The following KLHL18 variants were observed in gnomAD, a reference collection of about 807,000 sequenced individuals.
KLHL18 encodes kelch-like protein 18.
In KLHL18, 38 loss-of-function variants were observed where a neutral mutation model predicts 58.5. The ratio of observed to expected loss-of-function variants is 0.65; its 90% CI spans 0.50 to 0.85. The LOEUF (loss-of-function observed/expected upper bound fraction) is 0.85. Ranked by LOEUF, KLHL18 falls within the 40% of genes least tolerant of loss-of-function variation. The probability of loss-of-function intolerance (pLI) is 0.00; values close to 1 mark genes in which losing one functional copy is unlikely to be tolerated. For synonymous variants in KLHL18, 303 were observed against 301.9 expected (o/e 1.00, Z -0.04); for missense variants, 624 against 778.4 (o/e 0.80, Z 2.36).
chr3:47,332,361 AAAAG>A (rs956846805), intron 4 of KLHL18, among the ~76,000 whole-genome samples: 7 of 152,188 alleles, frequency 4.6e-5, no homozygotes, highest in South Asian at 2.1e-4. Context: ...TCTCCAAAAA[AAAAG>A]AAAGAAAGAA....
At chr3:47,294,018 A>G (rs900706594) in intron 1 of KLHL18, among the ~76,000 whole-genome samples, 1 of 152,268 alleles carries the variant, frequency 6.6e-6, no homozygotes, top group African/African-American at 2.4e-5. Flanking sequence ...ATAGCTGCTC[A>G]GTAAACCACT....
intron 3 of KLHL18, 27 bp from the exon 4 acceptor site, chr3:47,329,923 AT>A (rs758333312): frequency 4.5e-4 from 654 of 1,447,512 alleles, no homozygotes; most frequent in Middle Eastern, 1.1e-3. Flanking sequence ...TCTTCCTCTA[AT>A]TTTTTTTTTC....
chr3:47,297,583 A>G lies in KLHL18; in HGVS notation c.129+14489A>G, dbSNP rs1479070202. On this transcript the variant is annotated intron_variant, in intron 1 of 9. Transcript: ENST00000232766. ...TCAGCCAACTGAATTTTCAGATGAG[A>G]TGAGAAGGTCATGCTTTTCCACCTT... 8.8e-5 allele frequency: 40 copies of G among 456,686 alleles called. 1 individual carries two copies. The highest frequency in any genetic ancestry group is 7.7e-4 in the Admixed American group (33 of 42,584). The allele number at this position is 456,686 out of a possible 1,614,324, so 28.3% of individuals were successfully genotyped here.
intron 4 of KLHL18, among the ~76,000 whole-genome samples, chr3:47,332,595 CGGGGGGCG>C (rs1703889739): frequency 2.4e-4 from 1 of 4,198 alleles, no homozygotes; most frequent in Non-Finnish European, 4.2e-4. Context: ...ATTAATATGA[CGGGGGGCG>C]GGGGGGCAGC....
chr3:47,283,480 AT>A (rs1576120435), intron 1 of KLHL18: 1 of 233,576 alleles, frequency 4.3e-6, no homozygotes, highest in East Asian at 1.0e-4. Context: ...CACTACAGAT[AT>A]TTCTTTGTGC....
Position 47,343,815 on chromosome 3 carries a change from C to T in KLHL18, c.1599C>T (p.Asp533=), listed in dbSNP as rs546410048. 1.1e-4 allele frequency: 172 copies of T among 1,614,204 alleles called. 1 individual carries two copies. In the South Asian group the frequency reaches 1.8e-3, roughly 17 times the overall value. ...GCCTCTACGCTGTTGGGGGCTACGA[C>T]GGACAGTCAAACCTAAGCTCAGTGG... ...CGRLYAVGGY[D]GQSNLSSVEM... Residue 533 remains aspartate, a synonymous_variant, in exon 10 of 10, where the codon GAC becomes GAT. Transcript: ENST00000232766.
Position 47,346,476 on chromosome 3 carries a change from G to C in KLHL18, c.*2535G>C, listed in dbSNP as rs1704227716. The C allele has an allele frequency of 6.6e-6, 1 of 152,650 alleles. No individual in the cohort carries two copies. The highest frequency in any genetic ancestry group is 2.4e-5 in the African/African-American group (1 of 41,466). 9.5% of individuals were successfully genotyped at this position (152,650 alleles called of 1,614,324 possible). A position where few individuals can be genotyped will look rare whatever the true frequency, so the allele number is the denominator to read the frequency against. ...CTTTCCAATAGCCCCATGAAAAGAAGCATCACCCAAGGATATTGTAAAAAG... is the reference window on the plus strand; with the variant it reads ...CTTTCCAATAGCCCCATGAAAAGAACCATCACCCAAGGATATTGTAAAAAG... On this transcript the variant is annotated 3_prime_UTR_variant, in exon 10 of 10. Transcript: ENST00000232766.
At chr3:47,321,550 A>G (rs1473961121) in intron 2 of KLHL18, among the ~76,000 whole-genome samples, 3 of 151,878 alleles carry the variant, frequency 2.0e-5, no homozygotes, top group Non-Finnish European at 4.4e-5. Context: ...GGGTTTTGCC[A>G]TGTTGGTTAG....
At position 47,288,900 on chromosome 3, in the gene KLHL18, T is replaced by TG. The variant is rs201509814; in HGVS notation, c.129+5806_129+5807insG. ...CATCCCTTCTTCCCAGCGTTGAGTTTCGTGTCCTTTGCTCTGGGCTGCCAG... is the reference window on the plus strand; with the variant it reads ...CATCCCTTCTTCCCAGCGTTGAGTTTGCGTGTCCTTTGCTCTGGGCTGCCAG... On this transcript the variant is annotated intron_variant, in intron 1 of 9. Transcript: ENST00000232766. 3.3e-5 allele frequency among the ~76,000 whole-genome samples: 5 copies of TG among 152,380 alleles called. No homozygotes were observed. The East Asian group carries it at 9.7e-4, about 29-fold the overall frequency.
At chr3:47,324,294 CTTTCTT>C (rs1160068025) in intron 3 of KLHL18, among the ~76,000 whole-genome samples, 1 of 10,606 alleles carries the variant, frequency 9.4e-5, no homozygotes, top group African/African-American at 2.1e-4. Context: ...CTTTTTCTTT[CTTTCTT>C]TTTTTTTTTT....
At chr3:47,302,820 A>G (rs1576145947) in intron 1 of KLHL18, among the ~76,000 whole-genome samples, 2 of 152,372 alleles carry the variant, frequency 1.3e-5, no homozygotes, top group African/African-American at 4.8e-5. Context: ...CCCGTATCAT[A>G]GAAGAGTCCA....
intron 1 of KLHL18, among the ~76,000 whole-genome samples, chr3:47,296,853 T>C (rs1283265975): frequency 1.3e-5 from 2 of 152,210 alleles, no homozygotes; most frequent in African/African-American, 4.8e-5. Context: ...TGTGTACTCC[T>C]TAAATTTTCA....
chr3:47,329,648 C>G (rs1397008259), intron 3 of KLHL18, among the ~76,000 whole-genome samples: 1 of 152,240 alleles, frequency 6.6e-6, no homozygotes, highest in Non-Finnish European at 1.5e-5. Context: ...AACAGATTTT[C>G]AGTGCCTGCA....
At chr3:47,332,629 T>G (rs1703891288) in intron 4 of KLHL18, among the ~76,000 whole-genome samples, 1 of 151,430 alleles carries the variant, frequency 6.6e-6, no homozygotes, top group African/African-American at 2.4e-5. Flanking sequence ...TTTCTTTGAG[T>G]GATACATTTC....
At chr3:47,323,139 A>T (rs899908354) in intron 3 of KLHL18, among the ~76,000 whole-genome samples, 6 of 150,680 alleles carry the variant, frequency 4.0e-5, no homozygotes, top group Non-Finnish European at 7.4e-5. Context: ...CCCAGGCTGG[A>T]GTGCAGTGGT....
chr3:47,342,660 T>G (rs1383405422), intron 8 of KLHL18, 59 bp from the exon 9 acceptor site: 1 of 1,428,018 alleles, frequency 7.0e-7, no homozygotes, highest in Admixed American at 1.7e-5. Context: ...TAGGCTGTCT[T>G]GAGGGAACAA....
chr3:47,293,374 A>G (rs771086494), intron 1 of KLHL18, among the ~76,000 whole-genome samples: 4 of 152,356 alleles, frequency 2.6e-5, no homozygotes, highest in Middle Eastern at 3.4e-3. Flanking sequence ...TTGTGACTGT[A>G]GACACTAAAA....
chr3:47,286,721 T>C (rs1285583288), intron 1 of KLHL18, among the ~76,000 whole-genome samples: 1 of 152,236 alleles, frequency 6.6e-6, no homozygotes, highest in African/African-American at 2.4e-5. Flanking sequence ...GTCGTTTTTC[T>C]GTGGGATGTG....
At chr3:47,300,919 A>G (rs1576143844) in intron 1 of KLHL18, among the ~76,000 whole-genome samples, 1 of 152,030 alleles carries the variant, frequency 6.6e-6, no homozygotes, top group East Asian at 1.9e-4. Context: ...GATTACAGTC[A>G]TTGAGTCACC....
Sources: gnomAD v4.1 joint callset for allele counts (sites outside exome capture counted in the v4.1 genomes callset) on GRCh38, gnomAD v4.1.1 for gene constraint, MANE v1.5 for transcripts, NCBI Gene and HGNC (gene_info 2026-07-23, HGNC 2026-07-21) for gene names.